The following PRKCE variants were observed in gnomAD, a reference collection of about 807,000 sequenced individuals.
PRKCE encodes the protein protein kinase C epsilon.
Under a neutral mutation model 85.4 loss-of-function variants are expected in PRKCE, and 16 were observed. That is an observed-to-expected ratio of 0.19 (90% CI 0.13 to 0.28). The LOEUF (loss-of-function observed/expected upper bound fraction) is 0.28, where lower values mean the gene tolerates loss of function less well. PRKCE is among the 10% of genes least tolerant of loss of function. PRKCE has a pLI of 1.00. For missense variants in PRKCE, 573 were observed against 975.2 expected (o/e 0.59, Z 5.49); for synonymous variants, 388 against 371.5 (o/e 1.04, Z -0.51).
chr2:45,884,718 C>G (rs527267537), intron 2 of PRKCE, among the ~76,000 whole-genome samples: 5 of 151,968 alleles, frequency 3.3e-5, no homozygotes, highest in African/African-American at 9.7e-5. Context: ...ATTTTTAAAA[C>G]ATGTTTTCAT....
chr2:46,173,792 C>T (rs76438455), intron 14 of PRKCE, among the ~76,000 whole-genome samples: 3,042 of 152,138 alleles, frequency 0.02, 92 homozygotes, highest in African/African-American at 0.07. Flanking sequence ...AATTCCCAGA[C>T]AAACGATAGT....
chr2:45,678,256 T>G (rs1056949822), intron 1 of PRKCE, among the ~76,000 whole-genome samples: 6 of 152,260 alleles, frequency 3.9e-5, no homozygotes, highest in African/African-American at 1.4e-4. Context: ...TTATATAATG[T>G]AAACTATTCT....
intron 10 of PRKCE, among the ~76,000 whole-genome samples, chr2:46,051,735 G>A (rs1708871483): frequency 6.6e-6 from 1 of 152,138 alleles, no homozygotes; most frequent in Non-Finnish European, 1.5e-5. Context: ...TGCTATATTA[G>A]TCTGTTCTCA....
At chr2:45,891,468 C>T (rs974107878) in intron 2 of PRKCE, among the ~76,000 whole-genome samples, 1 of 152,218 alleles carries the variant, frequency 6.6e-6, no homozygotes, top group Admixed American at 6.5e-5. Flanking sequence ...CTGGCTATCA[C>T]TACTGAATGC....
At chr2:45,726,505 T>A (rs534353120) in intron 1 of PRKCE, among the ~76,000 whole-genome samples, 1 of 152,340 alleles carries the variant, frequency 6.6e-6, no homozygotes, top group South Asian at 2.1e-4. Context: ...ATTAGCATTT[T>A]TCTTAGCAAT....
intron 2 of PRKCE, among the ~76,000 whole-genome samples, chr2:45,868,214 CTTTTTTTTTTTTT>C (rs777188116): frequency 1.3e-5 from 1 of 79,856 alleles, no homozygotes; most frequent in Non-Finnish European, 2.3e-5. Flanking sequence ...TGTAACGGAG[CTTTTTTTTTTTTT>C]TTTTTTTTTG....
chr2:45,835,015 G>A (rs1690740291), intron 1 of PRKCE, among the ~76,000 whole-genome samples: 1 of 152,212 alleles, frequency 6.6e-6, no homozygotes, highest in South Asian at 2.1e-4. Context: ...ACAGGAGAAG[G>A]TGGCTCAGCT....
intron 10 of PRKCE, among the ~76,000 whole-genome samples, chr2:46,050,077 C>T (rs974948972): frequency 5.9e-5 from 9 of 152,222 alleles, no homozygotes; most frequent in Non-Finnish European, 1.2e-4. Flanking sequence ...TCCCATTGCC[C>T]GCCCTGCTGC....
intron 1 of PRKCE, among the ~76,000 whole-genome samples, chr2:45,744,496 T>C (rs796588351): frequency 0.43 from 36,080 of 84,324 alleles, 8,550 homozygotes; most frequent in South Asian, 0.51. Context: ...TTTTTCTTTC[T>C]TTCTTTTCTT....
At chr2:45,725,090 G>A (rs552224732) in intron 1 of PRKCE, among the ~76,000 whole-genome samples, 58 of 152,326 alleles carry the variant, frequency 3.8e-4, no homozygotes, top group African/African-American at 1.4e-3. Context: ...TCCCTTATTA[G>A]GGGCTAACAC....
At chr2:45,942,649 A>C (rs1236399845) in intron 2 of PRKCE, among the ~76,000 whole-genome samples, 2 of 152,202 alleles carry the variant, frequency 1.3e-5, no homozygotes, top group African/African-American at 4.8e-5. Flanking sequence ...AATGGAATAC[A>C]AATTCCTCTC....
rs955408760 is a variant in PRKCE at position 45,774,521 on chromosome 2, A to G, written c.349-68479A>G. On this transcript the variant is annotated intron_variant, in intron 1 of 14. Coordinates refer to ENST00000306156, the MANE Select transcript of PRKCE (RefSeq NM_005400.3). This position sits in a 1 kb window ranked among gnomAD's most constrained non-coding sequence, Gnocchi z 4.3. ...TCCCTGTCTCTCCTGTCTCCTTTCC[A>G]TCATGCCAAAGCACCCCATGCCTTG... is the stretch of plus-strand genomic sequence containing the variant. 6.6e-6 allele frequency among the ~76,000 whole-genome samples: 1 copy of G among 151,748 alleles called. No individual in the cohort carries two copies. The highest frequency in any genetic ancestry group is 1.5e-5 in the Non-Finnish European group (1 of 67,948).
At chr2:45,719,971 G>A (rs1680479116) in intron 1 of PRKCE, among the ~76,000 whole-genome samples, 1 of 152,058 alleles carries the variant, frequency 6.6e-6, no homozygotes. Context: ...AATAGCAACA[G>A]AGCTCTCAGA....
At chr2:46,127,432 A>T (rs1673970765) in intron 11 of PRKCE, among the ~76,000 whole-genome samples, 1 of 152,234 alleles carries the variant, frequency 6.6e-6, no homozygotes, top group South Asian at 2.1e-4. Context: ...AGATGTTCAC[A>T]GTCATGGCAA....
At chr2:45,693,521 G>A (rs1390043608) in intron 1 of PRKCE, among the ~76,000 whole-genome samples, 3 of 152,320 alleles carry the variant, frequency 2.0e-5, no homozygotes, top group Middle Eastern at 3.4e-3. Flanking sequence ...GGTGCAGGCC[G>A]GAAGGGCAGG....
At chr2:45,794,851 C>CA (rs907702466) in intron 1 of PRKCE, among the ~76,000 whole-genome samples, 1 of 151,362 alleles carries the variant, frequency 6.6e-6, no homozygotes. Context: ...CCCTACCCCC[C>CA]CCCCCATCCA....
intron 1 of PRKCE, among the ~76,000 whole-genome samples, chr2:45,688,809 T>A (rs951696539): frequency 1.3e-5 from 2 of 152,258 alleles, no homozygotes; most frequent in African/African-American, 4.8e-5. Context: ...GATAATTTTA[T>A]CAATTGCACC....
chr2:45,837,181 G>A (rs190432397), intron 1 of PRKCE, among the ~76,000 whole-genome samples: 1 of 152,346 alleles, frequency 6.6e-6, no homozygotes, highest in East Asian at 1.9e-4. Flanking sequence ...TTGCTGTTGT[G>A]GTTGTCAGAA....
intron 13 of PRKCE, among the ~76,000 whole-genome samples, chr2:46,158,135 A>T (rs527542937): frequency 1.7e-4 from 26 of 152,340 alleles, no homozygotes; most frequent in Non-Finnish European, 3.1e-4. Context: ...TAAATCATAG[A>T]GCTCACCAAG....
Sources: gnomAD v4.1 joint callset for allele counts (sites outside exome capture counted in the v4.1 genomes callset) on GRCh38, gnomAD v4.1.1 for gene constraint, Gnocchi (gnomAD v3.1) non-coding constraint, MANE v1.5 for transcripts, NCBI Gene and HGNC (gene_info 2026-07-23, HGNC 2026-07-21) for gene names.